The following COL26A1 variants were observed in gnomAD, a reference collection of about 807,000 sequenced individuals.
COL26A1 encodes the protein collagen alpha-1(XXVI) chain.
A neutral mutation model predicts 59.3 loss-of-function variants in COL26A1; 41 were observed. The observed-to-expected ratio is 0.69, with a 90% CI of 0.54 to 0.90. The LOEUF (loss-of-function observed/expected upper bound fraction) is 0.90, where lower values mean the gene tolerates loss of function less well. Among genes scored for constraint, COL26A1 ranks in the 40% least tolerant of loss-of-function variants. The pLI is 0.00. For missense variants in COL26A1, 612 were observed against 602.3 expected, an observed-to-expected ratio of 1.02 and a Z score of -0.17; for synonymous variants, 266 against 256.0, an observed-to-expected ratio of 1.04 and a Z score of -0.37.
At position 101,551,163 on chromosome 7, in the gene COL26A1, A is replaced by G. The variant is rs1444069454; in HGVS notation, c.1029+20A>G. 4.3e-6 allele frequency: 6 copies of G among 1,403,308 alleles called. No individual in the cohort carries two copies. The highest frequency in any genetic ancestry group is 5.6e-6 in the Non-Finnish European group (6 of 1,071,498). The allele number at this position is 1,403,308 out of a possible 1,614,324, so 86.9% of individuals were successfully genotyped here. Reference sequence around the variant, plus strand: ...CCGTCCGTAAGTGTGGGCTGTGCAGATGGGCCTGGGCCACTCCCAGGCAGA... The same window carrying G: ...CCGTCCGTAAGTGTGGGCTGTGCAGGTGGGCCTGGGCCACTCCCAGGCAGA... On this transcript the variant is annotated intron_variant, in intron 10 of 12. Coordinates refer to ENST00000313669, the MANE Select transcript of COL26A1 (RefSeq NM_001278563.3).
chr7:101,551,202 G>A, intron 10 of COL26A1, 59 bp downstream of exon 10: 2 of 573,574 alleles, frequency 3.5e-6, no homozygotes, highest in Non-Finnish European at 5.9e-6. Context: ...TCTGATGCAA[G>A]CCCAGGGCAC....
chr7:101,554,699 G>A (rs752184774), intron 11 of COL26A1, among the ~76,000 whole-genome samples: 2 of 151,734 alleles, frequency 1.3e-5, no homozygotes, highest in Non-Finnish European at 2.9e-5. Flanking sequence ...AACTACAATC[G>A]TGCCACTGTA....
At chr7:101,379,305 CAG>C (rs1363585471) in intron 1 of COL26A1, among the ~76,000 whole-genome samples, 1 of 152,168 alleles carries the variant, frequency 6.6e-6, no homozygotes, top group Admixed American at 6.5e-5. Context: ...ACGCTTCACA[CAG>C]GGACTCTGAA....
intron 3 of COL26A1, among the ~76,000 whole-genome samples, chr7:101,520,662 A>ACACACACACACAC (rs915256077): frequency 2.8e-5 from 4 of 143,236 alleles, no homozygotes; most frequent in African/African-American, 1.0e-4. Context: ...ACACACACAC[A>ACACACACACACAC]CCCCCGTGTT....
chr7:101,542,886 G>A (rs1171874229), intron 5 of COL26A1, among the ~76,000 whole-genome samples: 1 of 152,226 alleles, frequency 6.6e-6, no homozygotes, highest in African/African-American at 2.4e-5. Flanking sequence ...CTTGGGGGAT[G>A]GAGGAGGAGG....
At chr7:101,457,562 C>T (rs531255243) in intron 3 of COL26A1, among the ~76,000 whole-genome samples, 4 of 152,236 alleles carry the variant, frequency 2.6e-5, no homozygotes, top group Admixed American at 6.5e-5. Context: ...GGCCTCTACC[C>T]AGGAGTGAGC....
At chr7:101,406,097 G>T (rs1471647546) in intron 1 of COL26A1, among the ~76,000 whole-genome samples, 4 of 152,210 alleles carry the variant, frequency 2.6e-5, no homozygotes, top group Non-Finnish European at 4.4e-5. Flanking sequence ...CCTCCGTGCT[G>T]CGCCCTGGAA....
At chr7:101,393,711 T>C (rs770310869) in intron 1 of COL26A1, among the ~76,000 whole-genome samples, 3 of 152,126 alleles carry the variant, frequency 2.0e-5, no homozygotes, top group Non-Finnish European at 2.9e-5. Flanking sequence ...CCTCCCAAAG[T>C]GCTGGGATTA....
intron 3 of COL26A1, among the ~76,000 whole-genome samples, chr7:101,475,894 TTCTCTCTCTTTCTC>T (rs1794032173): frequency 7.4e-6 from 1 of 134,784 alleles, no homozygotes; most frequent in Non-Finnish European, 1.6e-5. Context: ...CTCTCTTTCT[TTCTCTCTCTTTCTC>T]TCTCTCTCTC....
intron 1 of COL26A1, 37 bp downstream of exon 1, chr7:101,363,227 G>A (rs1414607309): frequency 6.6e-6 from 7 of 1,055,940 alleles, no homozygotes; most frequent in Non-Finnish European, 9.0e-6. Flanking sequence ...GGGGGTGGGG[G>A]GAGGGAGCGG....
intron 1 of COL26A1, among the ~76,000 whole-genome samples, chr7:101,397,543 CT>C (rs370220726): frequency 3.7e-4 from 46 of 126,026 alleles, no homozygotes; most frequent in African/African-American, 5.4e-4. Flanking sequence ...CCCCCCCCTC[CT>C]TTTTTTTTTT....
intron 4 of COL26A1, among the ~76,000 whole-genome samples, chr7:101,539,138 G>A (rs367594376): frequency 6.6e-6 from 1 of 152,218 alleles, no homozygotes; most frequent in African/African-American, 2.4e-5. Flanking sequence ...GACAGATGGG[G>A]CCGCATTGCA....
intron 2 of COL26A1, among the ~76,000 whole-genome samples, chr7:101,421,209 C>T (rs1188729890): frequency 6.6e-6 from 1 of 152,134 alleles, no homozygotes; most frequent in Non-Finnish European, 1.5e-5. Flanking sequence ...GGTGGGCTGG[C>T]TGGCTGAGAC....
rs569185736 is a variant in COL26A1 at position 101,498,653 on chromosome 7, A to C, written c.386-34429A>C. 9.3e-4 allele frequency among the ~76,000 whole-genome samples: 142 copies of C among 152,326 alleles called. 1 individual carries two copies. The highest frequency in any genetic ancestry group is 3.3e-3 in the African/African-American group (136 of 41,582). On this transcript the variant is annotated intron_variant, in intron 3 of 12. Transcript: ENST00000313669. Reference sequence around the variant, plus strand: ...GCATGTAGTGGAGTCTCCACTCTGCACACTCTGGATTTATTTCGTGATGTT... The same window carrying C: ...GCATGTAGTGGAGTCTCCACTCTGCCCACTCTGGATTTATTTCGTGATGTT...
intron 3 of COL26A1, among the ~76,000 whole-genome samples, chr7:101,487,922 T>G (rs1662574154): frequency 6.6e-6 from 1 of 152,162 alleles, no homozygotes; most frequent in Non-Finnish European, 1.5e-5. Flanking sequence ...GGTCTCACTA[T>G]ATTGCCCAGG....
Position 101,439,425 on chromosome 7 carries a change from G to A in COL26A1, c.282-8259G>A, listed in dbSNP as rs187800741. On this transcript the variant is annotated intron_variant, in intron 2 of 12. Transcript: ENST00000313669. Reference sequence around the variant, plus strand: ...AAAAATTAGCCAGGAGTGGTGGTGCGCACCTGTAATCCCAGCTACTCGAGA... The same window carrying A: ...AAAAATTAGCCAGGAGTGGTGGTGCACACCTGTAATCCCAGCTACTCGAGA... 3.0e-3 allele frequency among the ~76,000 whole-genome samples: 457 copies of A among 151,940 alleles called. 1 individual carries two copies. The highest frequency in any genetic ancestry group is 0.01 in the African/African-American group (432 of 41,464).
intron 3 of COL26A1, among the ~76,000 whole-genome samples, chr7:101,468,768 T>C (rs1793825675): frequency 6.6e-6 from 1 of 152,076 alleles, no homozygotes; most frequent in Admixed American, 6.5e-5. Flanking sequence ...TTCACTTCCT[T>C]TCCACTTCTT....
intron 1 of COL26A1, among the ~76,000 whole-genome samples, chr7:101,387,238 T>A (rs1395920912): frequency 6.6e-6 from 1 of 150,576 alleles, no homozygotes; most frequent in East Asian, 2.0e-4. Flanking sequence ...ATGAGAAGAG[T>A]TGGGAATGGA....
rs142683214 is a variant in COL26A1 at position 101,463,390 on chromosome 7, T to C, written c.385+15603T>C. ...TGATATTCCACTGTAGGGATATTAC[T>C]ATCCATTCATCTGCCATGGGACATT... is the stretch of plus-strand genomic sequence containing the variant. On this transcript the variant is annotated intron_variant, in intron 3 of 12. Coordinates refer to ENST00000313669, the MANE Select transcript of COL26A1 (RefSeq NM_001278563.3). Among the ~76,000 whole-genome samples the C allele has an allele frequency of 2.2e-3, 328 of 152,282 alleles. 2 individuals are homozygous for C. Among genetic ancestry groups the C allele is most frequent in the African/African-American group, 7.6e-3 (316 of 41,564 alleles).
Sources: gnomAD v4.1 joint callset for allele counts (sites outside exome capture counted in the v4.1 genomes callset) on GRCh38, gnomAD v4.1.1 for gene constraint, MANE v1.5 for transcripts, NCBI Gene and HGNC (gene_info 2026-07-23, HGNC 2026-07-21) for gene names.